CNTNAP2: variants seen among roughly 807,000 people sequenced by gnomAD.
CNTNAP2 encodes the protein contactin-associated protein-like 2.
In CNTNAP2, 98 loss-of-function variants were observed where a neutral mutation model predicts 155.2. The observed-to-expected ratio is 0.63, with a 90% confidence interval of 0.54 to 0.75. The LOEUF (loss-of-function observed/expected upper bound fraction) is 0.75. Ranked by LOEUF, CNTNAP2 falls within the 30% of genes least tolerant of loss-of-function variation. The probability of loss-of-function intolerance (pLI) is 0.00; values close to 1 mark genes in which losing one functional copy is unlikely to be tolerated. For missense variants in CNTNAP2, 1,727 were observed against 1,688.1 expected (o/e 1.02, Z -0.40); for synonymous variants, 651 against 631.2 (o/e 1.03, Z -0.47).
At chr7:148,125,268 C>T (rs1240343658) in intron 16 of CNTNAP2, among the ~76,000 whole-genome samples, 2 of 151,970 alleles carry the variant, frequency 1.3e-5, no homozygotes, top group Non-Finnish European at 2.9e-5. Context: ...CTCTCTCTGT[C>T]TCTCTTTTAG....
intron 15 of CNTNAP2, among the ~76,000 whole-genome samples, chr7:148,091,800 G>T (rs1585120602): frequency 6.6e-6 from 1 of 152,134 alleles, no homozygotes. Flanking sequence ...ACAAGCAAAA[G>T]AGAATCCAGC....
intron 9 of CNTNAP2, among the ~76,000 whole-genome samples, chr7:147,364,980 C>G (rs949980319): frequency 6.6e-6 from 1 of 151,924 alleles, no homozygotes; most frequent in African/African-American, 2.4e-5. Context: ...GTAAAAGAAC[C>G]CTTATAACCA....
chr7:148,323,019 A>C (rs1430741669), intron 21 of CNTNAP2, among the ~76,000 whole-genome samples: 1 of 152,100 alleles, frequency 6.6e-6, no homozygotes, highest in Non-Finnish European at 1.5e-5. Flanking sequence ...CATTCATTTG[A>C]CTAAGAATAA....
intron 2 of CNTNAP2, among the ~76,000 whole-genome samples, chr7:146,784,313 T>C (rs1381226811): frequency 6.6e-6 from 1 of 152,202 alleles, no homozygotes; most frequent in Non-Finnish European, 1.5e-5. Context: ...ATATTAATTT[T>C]CTAACACTCT....
chr7:146,735,814 G>A (rs527721978), intron 1 of CNTNAP2, among the ~76,000 whole-genome samples: 1 of 142,036 alleles, frequency 7.0e-6, no homozygotes, highest in African/African-American at 3.1e-5. Context: ...GCTAGAGAGC[G>A]GGAATAACTT....
chr7:146,848,379 A>G (rs532868627), intron 3 of CNTNAP2, among the ~76,000 whole-genome samples: 1 of 152,366 alleles, frequency 6.6e-6, no homozygotes, highest in South Asian at 2.1e-4. Context: ...ATAGGCACTC[A>G]CTGAGCACCT....
rs900292381 is a variant in CNTNAP2 at position 147,514,705 on chromosome 7, G to C, written c.1777+28664G>C. 7.9e-5 allele frequency among the ~76,000 whole-genome samples: 12 copies of C among 151,882 alleles called. 1 individual carries two copies. Among genetic ancestry groups the C allele is most frequent in the African/African-American group, 2.2e-4 (9 of 41,350 alleles). On this transcript the variant is annotated intron_variant, in intron 11 of 23. Coordinates refer to ENST00000361727, the MANE Select transcript of CNTNAP2 (RefSeq NM_014141.6). Reference sequence around the variant, plus strand: ...TAAGAACTTATCCACAGTGAGTATAGAGAAGAGAATGGGCCATCCTACCCA... The same window carrying C: ...TAAGAACTTATCCACAGTGAGTATACAGAAGAGAATGGGCCATCCTACCCA...
At chr7:148,269,220 G>A (rs1796730378) in intron 21 of CNTNAP2, among the ~76,000 whole-genome samples, 1 of 152,010 alleles carries the variant, frequency 6.6e-6, no homozygotes. Context: ...AACAAAAGAG[G>A]GCTAACATGT....
chr7:148,104,331 G>C (rs1804165039), intron 15 of CNTNAP2, among the ~76,000 whole-genome samples: 1 of 152,194 alleles, frequency 6.6e-6, no homozygotes, highest in Non-Finnish European at 1.5e-5. Context: ...TGGGTATAGA[G>C]CAGTTTCCCA....
chr7:147,658,891 T>C (rs896393433), intron 13 of CNTNAP2, among the ~76,000 whole-genome samples: 1 of 152,208 alleles, frequency 6.6e-6, no homozygotes, highest in Non-Finnish European at 1.5e-5. Flanking sequence ...TTAGTTCTCT[T>C]TGTGGTAATT....
chr7:146,429,868 T>C (rs1404535701), intron 1 of CNTNAP2, among the ~76,000 whole-genome samples: 8 of 152,202 alleles, frequency 5.3e-5, no homozygotes, highest in Admixed American at 5.2e-4. Flanking sequence ...TTGTTATAGA[T>C]GGCTCTTATT....
At chr7:146,618,128 C>T (rs1020720152) in intron 1 of CNTNAP2, among the ~76,000 whole-genome samples, 1 of 152,080 alleles carries the variant, frequency 6.6e-6, no homozygotes, top group African/African-American at 2.4e-5. Context: ...CACTGCTCAG[C>T]GTGGGGTAGA....
At chr7:147,751,964 C>A (rs752290994) in intron 13 of CNTNAP2, among the ~76,000 whole-genome samples, 2 of 150,706 alleles carry the variant, frequency 1.3e-5, no homozygotes, top group Non-Finnish European at 3.0e-5. Context: ...CGGTTGGAAG[C>A]AATCGAGCTG....
intron 1 of CNTNAP2, among the ~76,000 whole-genome samples, chr7:146,474,734 G>A (rs920031337): frequency 5.3e-5 from 8 of 152,100 alleles, no homozygotes; most frequent in Non-Finnish European, 1.0e-4. Context: ...GAATTATAGT[G>A]TATTATTAAA....
At position 147,033,030 on chromosome 7, in the gene CNTNAP2, G is replaced by A. The variant is rs557774232; in HGVS notation, c.403-10877G>A. 3.3e-5 allele frequency among the ~76,000 whole-genome samples: 5 copies of A among 151,368 alleles called. No homozygotes were observed. In the East Asian group the frequency reaches 7.8e-4, roughly 24 times the overall value. ...AAATTATTGCTTGCAAAATAATGCT[G>A]TTCTTAATGCTTCTAGTACGATTAT... On this transcript the variant is annotated intron_variant, in intron 3 of 23. Coordinates refer to ENST00000361727, the MANE Select transcript of CNTNAP2 (RefSeq NM_014141.6).
intron 13 of CNTNAP2, among the ~76,000 whole-genome samples, chr7:147,838,776 G>A (rs1798672440): frequency 6.6e-6 from 1 of 152,028 alleles, no homozygotes; most frequent in Non-Finnish European, 1.5e-5. Context: ...ACATTTTCCT[G>A]TCTTCTTTTG....
intron 16 of CNTNAP2, among the ~76,000 whole-genome samples, chr7:148,123,801 A>G (rs1033811983): frequency 4.6e-5 from 7 of 152,196 alleles, no homozygotes; most frequent in Admixed American, 2.0e-4. Context: ...GAAAACTAAC[A>G]GAGAAGTAGG....
At chr7:147,763,649 T>C (rs1797342050) in intron 13 of CNTNAP2, among the ~76,000 whole-genome samples, 2 of 152,150 alleles carry the variant, frequency 1.3e-5, no homozygotes, top group Non-Finnish European at 2.9e-5. Context: ...TTCTACGAAC[T>C]GGAAAGGGGG....
intron 11 of CNTNAP2, among the ~76,000 whole-genome samples, chr7:147,513,541 C>T (rs1799058657): frequency 6.6e-6 from 1 of 152,188 alleles, no homozygotes; most frequent in Admixed American, 6.5e-5. Flanking sequence ...GATTATAAAG[C>T]CTTCCATGTA....
Sources: allele counts gnomAD v4.1 joint callset (sites outside exome capture counted in the v4.1 genomes callset), GRCh38; gene constraint gnomAD v4.1.1; transcripts MANE v1.5; gene names NCBI Gene and HGNC (gene_info 2026-07-23, HGNC 2026-07-21).